ARHGEF26: variants seen among roughly 807,000 people sequenced by gnomAD.
The protein encoded by ARHGEF26 is Rho guanine nucleotide exchange factor (GEF) 26.
In ARHGEF26, 59 loss-of-function variants were observed where a neutral mutation model predicts 89.4. That is an observed-to-expected ratio of 0.66 (90% CI 0.54 to 0.82). The LOEUF (loss-of-function observed/expected upper bound fraction) is 0.82. Ranked by LOEUF, ARHGEF26 falls within the 40% of genes least tolerant of loss-of-function variation. ARHGEF26 has a pLI of 0.00. For missense variants in ARHGEF26, 1,234 were observed against 1,085.6 expected (o/e 1.14, Z -1.92); for synonymous variants, 500 against 428.4 (o/e 1.17, Z -2.06).
At chr3:154,175,281 GT>G (rs1165261654) in intron 6 of ARHGEF26, among the ~76,000 whole-genome samples, 3 of 152,176 alleles carry the variant, frequency 2.0e-5, no homozygotes, top group African/African-American at 7.2e-5. Context: ...GTAACTCAGT[GT>G]GGAAGCTGCA....
chr3:154,182,075 TAC>T (rs1260097744), intron 6 of ARHGEF26, among the ~76,000 whole-genome samples: 1 of 151,548 alleles, frequency 6.6e-6, no homozygotes, highest in Non-Finnish European at 1.5e-5. Context: ...AATATATATA[TAC>T]ACACACACTA....
At chr3:154,157,219 C>G (rs1202518460) in intron 6 of ARHGEF26, among the ~76,000 whole-genome samples, 3 of 152,118 alleles carry the variant, frequency 2.0e-5, no homozygotes, top group Non-Finnish European at 4.4e-5. Flanking sequence ...CTGCAAGGCT[C>G]CTAAGTTCCA....
intron 6 of ARHGEF26, among the ~76,000 whole-genome samples, chr3:154,168,744 T>C (rs1712213673): frequency 6.6e-6 from 1 of 152,180 alleles, no homozygotes; most frequent in Non-Finnish European, 1.5e-5. Context: ...CTTATGTAGA[T>C]ACAGGCAAAT....
At chr3:154,167,122 C>CATGAGTTATG (rs2108130160) in intron 6 of ARHGEF26, among the ~76,000 whole-genome samples, 1 of 152,306 alleles carries the variant, frequency 6.6e-6, no homozygotes, top group Admixed American at 6.5e-5. Context: ...AATAGGTCCA[C>CATGAGTTATG]ATGAGTTATG....
Position 154,256,279 on chromosome 3 carries a change from G to A in ARHGEF26, c.*806G>A, listed in dbSNP as rs1294951272. 1.0e-6 allele frequency: 1 copy of A among 983,706 alleles called. No individual in the cohort carries two copies. Among genetic ancestry groups the A allele is most frequent in the Non-Finnish European group, 1.2e-6 (1 of 828,562 alleles). The allele number at this position is 983,706 out of a possible 1,614,324, so 60.9% of individuals were successfully genotyped here. Reference sequence around the variant, plus strand: ...CCTCTGTCGCCCAGGCTAGAGTATAGTGGTGTGATCTTGGCCCACTGCAAC... The same window carrying A: ...CCTCTGTCGCCCAGGCTAGAGTATAATGGTGTGATCTTGGCCCACTGCAAC... On this transcript the variant is annotated 3_prime_UTR_variant, in exon 15 of 15. Transcript: ENST00000465093.
chr3:154,142,308 T>G (rs984281064), intron 4 of ARHGEF26, among the ~76,000 whole-genome samples: 2 of 152,122 alleles, frequency 1.3e-5, no homozygotes, highest in Admixed American at 1.3e-4. Flanking sequence ...CCTCAAGTGA[T>G]CCACTTGCCT....
At position 154,122,471 on chromosome 3, in the gene ARHGEF26, A is replaced by G. The variant is rs777394116; in HGVS notation, c.479A>G (p.Glu160Gly). ...PNAPAPCTPE[E>G]DLTGLTASPV... ...GCGCCCGCCCCCTGCACCCCCGAGGAGGACCTTACTGGGTTGACTGCCAGC... is the reference window on the plus strand; with the variant it reads ...GCGCCCGCCCCCTGCACCCCCGAGGGGGACCTTACTGGGTTGACTGCCAGC... The change falls in exon 2 of 15, where the codon GAG (glutamate) becomes GGG (glycine). Residue 160 changes from glutamate (E) to glycine (G), a missense_variant. Physicochemically the swap from Glu to Gly is moderately conservative, Grantham distance 98. Transcript: ENST00000465093. 9.3e-6 allele frequency: 15 copies of G among 1,612,372 alleles called. No homozygotes were observed. In the African/African-American group the frequency reaches 2.0e-4, roughly 22 times the overall value.
At chr3:154,128,988 A>G (rs1374900389) in intron 3 of ARHGEF26, among the ~76,000 whole-genome samples, 3 of 152,136 alleles carry the variant, frequency 2.0e-5, no homozygotes, top group African/African-American at 2.4e-5. Context: ...TTTAGTGTCT[A>G]TTATTGTATT....
At chr3:154,183,426 C>T (rs1215299549) in intron 6 of ARHGEF26, among the ~76,000 whole-genome samples, 1 of 152,186 alleles carries the variant, frequency 6.6e-6, no homozygotes, top group Non-Finnish European at 1.5e-5. Context: ...ATACGTATTT[C>T]CATTAAAAAG....
At chr3:154,195,527 G>A (rs1209617302) in intron 9 of ARHGEF26, among the ~76,000 whole-genome samples, 1 of 152,200 alleles carries the variant, frequency 6.6e-6, no homozygotes, top group Non-Finnish European at 1.5e-5. Flanking sequence ...AAGTCTACCT[G>A]TATACTGGGG....
chr3:154,191,526 A>C (rs1001422727), intron 8 of ARHGEF26, 108 bp downstream of exon 8: 1 of 1,315,864 alleles, frequency 7.6e-7, no homozygotes, highest in Non-Finnish European at 1.0e-6. Context: ...TAAAGGTCTA[A>C]AAATCCCCCA....
At chr3:154,161,759 A>G (rs532708884) in intron 6 of ARHGEF26, among the ~76,000 whole-genome samples, 1 of 152,288 alleles carries the variant, frequency 6.6e-6, no homozygotes, top group African/African-American at 2.4e-5. Flanking sequence ...TTCTTCCATA[A>G]TCATAAAGAA....
In ARHGEF26 at chr3:154,255,316, T is replaced by C; in HGVS notation, c.2474-15T>C. On this transcript the variant is annotated splice_polypyrimidine_tract_variant and intron_variant, in intron 14 of 14. Transcript: ENST00000465093. Reference sequence around the variant, plus strand: ...AATACTTGTTGTTTGGTGTGGACTCTGTTCTTTTTCACAGGCTGGTATGAG... The same window carrying C: ...AATACTTGTTGTTTGGTGTGGACTCCGTTCTTTTTCACAGGCTGGTATGAG... 1 of 1,609,894 alleles carries C rather than the reference T, an allele frequency of 6.2e-7. No homozygotes were observed. Among genetic ancestry groups the C allele is most frequent in the Non-Finnish European group, 8.5e-7 (1 of 1,177,684 alleles).
chr3:154,193,206 C>T (rs400529), intron 8 of ARHGEF26, among the ~76,000 whole-genome samples: 74,444 of 151,932 alleles, frequency 0.49, 18,535 homozygotes, highest in Non-Finnish European at 0.53. Context: ...TGCTTTCATA[C>T]CCATTAGTGG....
intron 9 of ARHGEF26, among the ~76,000 whole-genome samples, chr3:154,197,388 A>G (rs1326528087): frequency 1.3e-5 from 2 of 152,164 alleles, no homozygotes; most frequent in African/African-American, 2.4e-5. Context: ...GAGAGCATTT[A>G]TGGTTTAGAA....
chr3:154,226,014 A>G lies in ARHGEF26; in HGVS notation c.2090+4A>G. Reference sequence around the variant, plus strand: ...TCATTATCACCAAGAAGAAGAGGTAAGTCTTTATCTGGTGTTGCTGACTAG... The same window carrying G: ...TCATTATCACCAAGAAGAAGAGGTAGGTCTTTATCTGGTGTTGCTGACTAG... On this transcript the variant is annotated splice_donor_region_variant and intron_variant, in intron 11 of 14. Coordinates refer to ENST00000465093, the MANE Select transcript of ARHGEF26 (RefSeq NM_015595.4). 1 of 1,607,810 alleles carries G rather than the reference A, an allele frequency of 6.2e-7. No homozygotes were observed. Among genetic ancestry groups the G allele is most frequent in the Non-Finnish European group, 8.5e-7 (1 of 1,177,456 alleles).
chr3:154,122,017 T>C lies in ARHGEF26; in HGVS notation c.25T>C (p.Phe9Leu). The C allele has an allele frequency of 6.3e-7, 1 of 1,595,116 alleles. No individual in the cohort carries two copies. Among genetic ancestry groups the C allele is most frequent in the Non-Finnish European group, 8.6e-7 (1 of 1,164,902 alleles). MDGESEVD[F>L]SSNSITPLWR... is the part of the protein sequence containing the mutation. ...TATGGACGGCGAGAGCGAGGTGGAT[T>C]TTTCTAGCAACAGCATAACCCCTTT... The change falls in exon 2 of 15, where the codon TTT becomes CTT. Residue 9 changes from phenylalanine to leucine, a missense_variant. By Grantham distance (22) the Phe-to-Leu change is conservative. Transcript: ENST00000465093.
chr3:154,152,813 C>G lies in ARHGEF26; in HGVS notation c.1368C>G (p.Leu456=), dbSNP rs763397298. 3.8e-6 allele frequency: 6 copies of G among 1,560,104 alleles called. No homozygotes were observed. The East Asian group carries it at 1.4e-4, about 37-fold the overall frequency. ...TATCCTCTGAACATTCATATTTACT[C>G]AGCTTGGAGATCTTGATACGAATGT... ...EVISSEHSYL[L]SLEILIRMFK... Residue 456 remains leucine (L), a synonymous_variant, in exon 6 of 15, where the codon CTC becomes CTG. Coordinates refer to ENST00000465093, the MANE Select transcript of ARHGEF26 (RefSeq NM_015595.4).
chr3:154,128,255 C>CT (rs1560039989), intron 3 of ARHGEF26, among the ~76,000 whole-genome samples: 1 of 151,866 alleles, frequency 6.6e-6, no homozygotes, highest in Non-Finnish European at 1.5e-5. Flanking sequence ...TCTTCTTCTT[C>CT]TTTTTTTTAT....
Sources: gnomAD v4.1 joint callset for allele counts (sites outside exome capture counted in the v4.1 genomes callset) on GRCh38, gnomAD v4.1.1 for gene constraint, MANE v1.5 for transcripts, NCBI Gene and HGNC (gene_info 2026-07-23, HGNC 2026-07-21) for gene names.